Variants in BICD2 observed in about 807,000 individuals in gnomAD.
BICD2 encodes the protein BICD cargo adaptor 2, also known as protein bicaudal D homolog 2.
A neutral mutation model predicts 72.9 loss-of-function variants in BICD2; 25 were observed. That is an observed-to-expected ratio of 0.34 (90% CI 0.25 to 0.48). BICD2 has a LOEUF of 0.48. Ranked by LOEUF, BICD2 falls within the 20% of genes least tolerant of loss-of-function variation. The pLI, the probability that BICD2 is intolerant of heterozygous loss-of-function variation, is 0.99. For synonymous variants in BICD2, 501 were observed against 516.1 expected (o/e 0.97, Z 0.40); for missense variants, 894 against 1,175.2 (o/e 0.76, Z 3.50).
intron 3 of BICD2, 71 bp downstream of exon 3, chr9:92,722,577 AGGGAGAGG>A (rs1587671585): frequency 2.5e-6 from 4 of 1,575,840 alleles, no homozygotes; most frequent in African/African-American, 1.4e-5. Context: ...CCTTCCCAAC[AGGGAGAGG>A]GGCTGAGCAA....
chr9:92,751,768 G>A (rs1854154714), intron 1 of BICD2, among the ~76,000 whole-genome samples: 1 of 151,108 alleles, frequency 6.6e-6, no homozygotes, highest in African/African-American at 2.4e-5. Context: ...TGTATTTATT[G>A]ACATATGTAT....
At chr9:92,732,971 A>C (rs1309464331) in intron 1 of BICD2, among the ~76,000 whole-genome samples, 1 of 152,230 alleles carries the variant, frequency 6.6e-6, no homozygotes, top group Admixed American at 6.5e-5. Flanking sequence ...CAAAATTCCA[A>C]AGCCTTTTTA....
Position 92,719,559 on chromosome 9 carries a change from C to T in BICD2, c.1086G>A (p.Leu362=), listed in dbSNP as rs1391273956. The T allele has an allele frequency of 2.5e-6, 4 of 1,604,026 alleles. No homozygotes were observed. The highest frequency in any genetic ancestry group is 2.5e-6 in the Non-Finnish European group (3 of 1,177,106). ...TCTGTGTGTCCTGCAGCGTTGCCAG[C>T]AGGCCCGCCTTTTCCCGCTCCATCT... The part of the protein sequence containing the change: ...LMQMEREKAG[L]LATLQDTQKQ... Residue 362 remains leucine (L), a synonymous_variant, in exon 5 of 7, where the codon CTG becomes CTA. Coordinates refer to ENST00000356884, the MANE Select transcript of BICD2 (RefSeq NM_001003800.2).
rs746297393 is a variant in BICD2 at position 92,718,602 on chromosome 9, C to T, written c.2043G>A (p.Ser681=). 17 of 1,613,522 alleles carry T rather than the reference C, an allele frequency of 1.1e-5. No homozygotes were observed. Among genetic ancestry groups the T allele is most frequent in the South Asian group, 8.8e-5 (8 of 91,064 alleles). ...TCTGCTCCCGCTTGGTGCTGAGCAG[C>T]GACTTCAGCTTGAGGATCTCCTCCA... ...ALMEEILKLK[S]LLSTKREQIT... The change falls in exon 5 of 7, where the codon TCG becomes TCA. Residue 681 remains serine, a synonymous_variant. Transcript: ENST00000356884.
intron 1 of BICD2, among the ~76,000 whole-genome samples, chr9:92,729,834 G>C (rs370480901): frequency 1.3e-5 from 2 of 152,262 alleles, no homozygotes; most frequent in Non-Finnish European, 2.9e-5. Flanking sequence ...ATGTTCCAGA[G>C]GGGTGAGGAA....
intron 1 of BICD2, among the ~76,000 whole-genome samples, chr9:92,733,192 A>T (rs1410335847): frequency 6.6e-6 from 1 of 152,206 alleles, no homozygotes; most frequent in Non-Finnish European, 1.5e-5. Context: ...AAAACCTCAT[A>T]TATATGGTCA....
At chr9:92,746,570 T>C (rs912626609) in intron 1 of BICD2, among the ~76,000 whole-genome samples, 1 of 150,400 alleles carries the variant, frequency 6.6e-6, no homozygotes, top group African/African-American at 2.4e-5. Flanking sequence ...TGGAAGCACA[T>C]GCCACATGTC....
intron 6 of BICD2, among the ~76,000 whole-genome samples, chr9:92,717,319 A>G (rs550233193): frequency 9.9e-5 from 15 of 152,216 alleles, no homozygotes; most frequent in Non-Finnish European, 2.1e-4. Context: ...ATATATGCAA[A>G]GCAGAGACAA....
chr9:92,735,158 C>T (rs921315178), intron 1 of BICD2, among the ~76,000 whole-genome samples: 2 of 152,154 alleles, frequency 1.3e-5, no homozygotes, highest in African/African-American at 2.4e-5. Context: ...ACCAGCCAGG[C>T]GCCTTGGGGA....
At chr9:92,759,846 G>C (rs1156691663) in intron 1 of BICD2, among the ~76,000 whole-genome samples, 3 of 152,222 alleles carry the variant, frequency 2.0e-5, no homozygotes, top group African/African-American at 7.2e-5. Context: ...AGGTCTGACT[G>C]ACTGGGGGAT....
At chr9:92,763,851 G>A (rs1042663297) in intron 1 of BICD2, among the ~76,000 whole-genome samples, 2 of 152,152 alleles carry the variant, frequency 1.3e-5, no homozygotes, top group African/African-American at 4.8e-5. Flanking sequence ...GCGCAATCCC[G>A]GCCATGAGGA....
intron 1 of BICD2, among the ~76,000 whole-genome samples, chr9:92,740,938 G>C (rs1020820577): frequency 1.3e-5 from 2 of 152,198 alleles, no homozygotes; most frequent in Non-Finnish European, 2.9e-5. Context: ...GCCCAGGAGG[G>C]AGTCTGGGTG....
intron 1 of BICD2, among the ~76,000 whole-genome samples, chr9:92,743,340 G>C (rs1023381676): frequency 4.7e-5 from 7 of 148,570 alleles, no homozygotes; most frequent in Non-Finnish European, 1.0e-4. Context: ...CTACAGGCAC[G>C]TGCCACCATG....
chr9:92,714,038 T>A lies in BICD2; in HGVS notation c.*1116A>T. On this transcript the variant is annotated 3_prime_UTR_variant, in exon 7 of 7. Transcript: ENST00000356884. Reference sequence around the variant, plus strand: ...TGGGAAGGCAGGTGTGGATGGAGCCTCTGGAAATGGGAGAACCCTACAGCT... The same window carrying A: ...TGGGAAGGCAGGTGTGGATGGAGCCACTGGAAATGGGAGAACCCTACAGCT... 3.0e-6 allele frequency: 3 copies of A among 986,084 alleles called. No individual in the cohort carries two copies. The highest frequency in any genetic ancestry group is 3.6e-6 in the Non-Finnish European group (3 of 830,406). The allele number at this position is 986,084 out of a possible 1,614,324, so 61.1% of individuals were successfully genotyped here. A position where few individuals can be genotyped will look rare whatever the true frequency, so the allele number is the denominator to read the frequency against.
At chr9:92,753,950 C>T (rs1317463754) in intron 1 of BICD2, among the ~76,000 whole-genome samples, 1 of 151,124 alleles carries the variant, frequency 6.6e-6, no homozygotes, top group Non-Finnish European at 1.5e-5. Context: ...CAAGACCATC[C>T]CAGCTAACAC....
chr9:92,754,481 G>A (rs780935508), intron 1 of BICD2, among the ~76,000 whole-genome samples: 19 of 152,318 alleles, frequency 1.2e-4, no homozygotes, highest in South Asian at 2.1e-4. Flanking sequence ...CAAAAGACAC[G>A]TTATAGCAGA....
At chr9:92,753,414 G>T (rs1199825788) in intron 1 of BICD2, among the ~76,000 whole-genome samples, 8 of 152,160 alleles carry the variant, frequency 5.3e-5, no homozygotes, top group Admixed American at 2.6e-4. Flanking sequence ...TTATAATAAG[G>T]AGGCAGCTGG....
intron 1 of BICD2, among the ~76,000 whole-genome samples, chr9:92,748,000 A>G (rs764910882): frequency 1.3e-5 from 2 of 152,202 alleles, no homozygotes; most frequent in Non-Finnish European, 2.9e-5. Context: ...ATATGGCTGC[A>G]TATGTATGAA....
chr9:92,740,880 C>T (rs139524351), intron 1 of BICD2, among the ~76,000 whole-genome samples: 87 of 152,290 alleles, frequency 5.7e-4, no homozygotes, highest in Non-Finnish European at 1.1e-3. Flanking sequence ...AGATGGGCAT[C>T]GGCACCAGCA....
Sources: gnomAD v4.1 joint callset for allele counts (sites outside exome capture counted in the v4.1 genomes callset) on GRCh38, gnomAD v4.1.1 for gene constraint, MANE v1.5 for transcripts, NCBI Gene and HGNC (gene_info 2026-07-23, HGNC 2026-07-21) for gene names.